ABTB2: variants seen among roughly 807,000 people sequenced by gnomAD.
ABTB2 encodes ankyrin repeat and BTB/POZ domain-containing protein 2.
ABTB2 carries 56 observed loss-of-function variants against 104.1 expected under a neutral mutation model. That is an observed-to-expected ratio of 0.54 (90% CI 0.43 to 0.67). ABTB2 has a LOEUF of 0.67. Among genes scored for constraint, ABTB2 ranks in the 30% least tolerant of loss-of-function variants. ABTB2 has a pLI of 0.00. For missense variants in ABTB2, 1,279 were observed against 1,407.7 expected (o/e 0.91, Z 1.46); for synonymous variants, 606 against 608.2 (o/e 1.00, Z 0.05).
At chr11:34,205,440 G>C (rs900458891) in intron 1 of ABTB2, among the ~76,000 whole-genome samples, 14 of 152,188 alleles carry the variant, frequency 9.2e-5, no homozygotes, top group African/African-American at 3.4e-4. Flanking sequence ...GAAAGCACCA[G>C]AAAAGTGAAA....
At chr11:34,303,636 C>CTTTTTT (rs35677380) in intron 1 of ABTB2, among the ~76,000 whole-genome samples, 5 of 79,120 alleles carry the variant, frequency 6.3e-5, no homozygotes, top group Non-Finnish European at 1.1e-4. Flanking sequence ...ACTATGGGTG[C>CTTTTTT]TTTTTTTTTT....
At chr11:34,334,075 C>A (rs1055300022) in intron 1 of ABTB2, among the ~76,000 whole-genome samples, 13 of 149,732 alleles carry the variant, frequency 8.7e-5, no homozygotes, top group African/African-American at 3.2e-4. Flanking sequence ...ACGATGGAAA[C>A]AGAAAGGTCT....
chr11:34,195,586 G>A (rs1313730253), intron 3 of ABTB2, among the ~76,000 whole-genome samples: 6 of 152,216 alleles, frequency 3.9e-5, no homozygotes, highest in Admixed American at 3.9e-4. Context: ...CTGGGCCACT[G>A]CTGTTTTATA....
intron 1 of ABTB2, among the ~76,000 whole-genome samples, chr11:34,224,391 T>C (rs1853661499): frequency 6.6e-6 from 1 of 152,128 alleles, no homozygotes; most frequent in African/African-American, 2.4e-5. Context: ...CATCCTCCCA[T>C]CTCAGCTTCC....
rs1852530050 is a variant in ABTB2 at position 34,151,081 on chromosome 11, A to G, written c.*1306T>C. 1 of 152,722 alleles carries G rather than the reference A, an allele frequency of 6.5e-6. No homozygotes were observed. Among genetic ancestry groups the G allele is most frequent in the Middle Eastern group, 3.2e-3 (1 of 316 alleles). The allele number at this position is 152,722 out of a possible 1,614,324, so 9.5% of individuals were successfully genotyped here. On this transcript the variant is annotated 3_prime_UTR_variant, in exon 17 of 17. Transcript: ENST00000435224. ...CAGTTAAAGTATCATACAATATTAC[A>G]GCAATAAAATAATGCCTATTTCTTT...
intron 1 of ABTB2, among the ~76,000 whole-genome samples, chr11:34,248,096 TAAAAAAAAAAAAAAAAAAA>T (rs1157412906): frequency 2.6e-5 from 3 of 116,234 alleles, no homozygotes; most frequent in African/African-American, 6.0e-5. Context: ...TAATTTTTCT[TAAAAAAAAAAAAAAAAAAA>T]AAAAAAACAG....
intron 1 of ABTB2, among the ~76,000 whole-genome samples, chr11:34,308,131 G>T (rs190957502): frequency 6.6e-6 from 1 of 152,168 alleles, no homozygotes; most frequent in Non-Finnish European, 1.5e-5. Flanking sequence ...CAGTAGCTCC[G>T]ACCTCCTAGG....
rs1230787869 is a variant in ABTB2 at position 34,172,371 on chromosome 11, CAAAAA to C, written c.1397+779_1397+783del. ...TGGGCAACAGAGTGAAACTCTGTCT[CAAAAA>C]AAAAAAAAAAAAAAAAAAAATATAT... is the stretch of plus-strand genomic sequence containing the variant. On this transcript the variant is annotated intron_variant, in intron 4 of 16. Coordinates refer to ENST00000435224, the MANE Select transcript of ABTB2 (RefSeq NM_145804.3). Among the ~76,000 whole-genome samples, 581 of 61,672 alleles carry C rather than the reference CAAAAA, an allele frequency of 9.4e-3. 17 individuals carry two copies. The highest frequency in any genetic ancestry group is 0.011 in the Non-Finnish European group (403 of 36,616). 40.5% of individuals were successfully genotyped at this position (61,672 alleles called of 152,430 possible).
chr11:34,216,447 T>C (rs892188654), intron 1 of ABTB2, among the ~76,000 whole-genome samples: 1 of 152,100 alleles, frequency 6.6e-6, no homozygotes, highest in African/African-American at 2.4e-5. Flanking sequence ...TTGGCTTCCT[T>C]TACTTAGAAA....
chr11:34,195,407 G>C (rs1489060179), intron 3 of ABTB2, among the ~76,000 whole-genome samples: 2 of 152,240 alleles, frequency 1.3e-5, no homozygotes, highest in Non-Finnish European at 2.9e-5. Flanking sequence ...TGTCTTTCAG[G>C]ATGCCCAGGG....
chr11:34,320,029 C>T (rs774600702), intron 1 of ABTB2, among the ~76,000 whole-genome samples: 15 of 152,174 alleles, frequency 9.9e-5, no homozygotes, highest in Admixed American at 3.3e-4. Flanking sequence ...GGATTACAGG[C>T]GTGACCACCG....
At chr11:34,342,217 C>A (rs1348498301) in intron 1 of ABTB2, among the ~76,000 whole-genome samples, 1 of 152,216 alleles carries the variant, frequency 6.6e-6, no homozygotes, top group Non-Finnish European at 1.5e-5. Context: ...CAATGTGCTT[C>A]ATACGGTATT....
At chr11:34,335,867 G>T in intron 1 of ABTB2, 1 of 1,071,208 alleles carries the variant, frequency 9.3e-7, no homozygotes, top group Non-Finnish European at 1.4e-6. Context: ...TCTGGAGGTA[G>T]AGCGGCCACA....
Position 34,159,605 on chromosome 11 carries a change from C to T in ABTB2, c.2607-219G>A, listed in dbSNP as rs115890391. Reference sequence around the variant, plus strand: ...CTGTCCCCACCACCCACCCTACAAGCGACCTGACGCCTGTGGCCAGAATGC... The same window carrying T: ...CTGTCCCCACCACCCACCCTACAAGTGACCTGACGCCTGTGGCCAGAATGC... On this transcript the variant is annotated intron_variant, in intron 13 of 16. Coordinates refer to ENST00000435224, the MANE Select transcript of ABTB2 (RefSeq NM_145804.3). Among the ~76,000 whole-genome samples the T allele has an allele frequency of 5.9e-3, 900 of 152,308 alleles. 6 individuals carry two copies. Among genetic ancestry groups the T allele is most frequent in the African/African-American group, 0.02 (831 of 41,558 alleles).
Position 34,154,600 on chromosome 11 carries a change from A to G in ABTB2, c.2766+101T>C, listed in dbSNP as rs1054769977. The G allele has an allele frequency of 6.7e-6, 8 of 1,202,138 alleles. No homozygotes were observed. The highest frequency in any genetic ancestry group is 2.3e-5 in the East Asian group (1 of 42,806). 74.5% of individuals were successfully genotyped at this position (1,202,138 alleles called of 1,614,324 possible). On this transcript the variant is annotated intron_variant, in intron 15 of 16. Coordinates refer to ENST00000435224, the MANE Select transcript of ABTB2 (RefSeq NM_145804.3). The surrounding 1 kb of genome is among the most constrained non-coding windows in gnomAD (Gnocchi z 4.9). ...CTTTCTGGGAACTGCTCTTCCTGTC[A>G]GATGGAGAGGAAGAGCCACCTTCCC...
At chr11:34,354,045 C>T (rs1855431889) in intron 1 of ABTB2, among the ~76,000 whole-genome samples, 1 of 152,166 alleles carries the variant, frequency 6.6e-6, no homozygotes, top group Non-Finnish European at 1.5e-5. Context: ...ATTCATTTCA[C>T]TTTGTCTAAA....
At chr11:34,170,853 G>T in intron 5 of ABTB2, 53 bp downstream of exon 5, 5 of 1,586,096 alleles carry the variant, frequency 3.2e-6, no homozygotes, top group Non-Finnish European at 4.3e-6. Context: ...TGGGAGCTGA[G>T]AATTCCCAAC....
chr11:34,157,570 T>C (rs1852647233), intron 14 of ABTB2, among the ~76,000 whole-genome samples: 1 of 152,164 alleles, frequency 6.6e-6, no homozygotes, highest in Non-Finnish European at 1.5e-5. Flanking sequence ...TGAGCATGAC[T>C]CCACCTCCTG....
chr11:34,273,484 C>T (rs963040369), intron 1 of ABTB2, among the ~76,000 whole-genome samples: 3 of 152,098 alleles, frequency 2.0e-5, no homozygotes, highest in Non-Finnish European at 2.9e-5. Context: ...CTCCACTGGA[C>T]GAAGCCAGCA....
Sources: allele counts gnomAD v4.1 joint callset (sites outside exome capture counted in the v4.1 genomes callset), GRCh38; gene constraint gnomAD v4.1.1; non-coding constraint Gnocchi (gnomAD v3.1); transcripts MANE v1.5; gene names NCBI Gene and HGNC (gene_info 2026-07-23, HGNC 2026-07-21).